RPP30: variants seen among roughly 807,000 people sequenced by gnomAD.
RPP30 encodes the protein ribonuclease P protein subunit p30.
Under a neutral mutation model 38.6 loss-of-function variants are expected in RPP30, and 36 were observed. The observed-to-expected ratio is 0.93, with a 90% CI of 0.71 to 1.23. The LOEUF (loss-of-function observed/expected upper bound fraction) is 1.23. Among genes scored for constraint, RPP30 ranks in the 50% most tolerant of loss-of-function variants. The probability of loss-of-function intolerance (pLI) is 0.00; values close to 1 mark genes in which losing one functional copy is unlikely to be tolerated. For synonymous variants in RPP30, 126 were observed against 112.7 expected, an observed-to-expected ratio of 1.12 and a Z score of -0.75; for missense variants, 321 against 321.7, an observed-to-expected ratio of 1.00 and a Z score of 0.02.
At chr10:90,888,105 GT>G (rs1175099771) in intron 6 of RPP30, among the ~76,000 whole-genome samples, 18 of 152,218 alleles carry the variant, frequency 1.2e-4, no homozygotes, top group Admixed American at 1.1e-3. Context: ...TGCCAATACA[GT>G]TTCTGTGGAA....
At position 90,875,615 on chromosome 10, in the gene RPP30, G is replaced by T; in HGVS notation, c.195+1G>T. On this transcript the variant is annotated splice_donor_variant, in intron 3 of 10. Transcript: ENST00000371703. LOFTEE classifies it high-confidence loss of function. Reference sequence around the variant, plus strand: ...CTTCACAACTTTGCCAATTGTACAGGTAGGTGTTTTGTTGTTTACGAAGCA... The same window carrying T: ...CTTCACAACTTTGCCAATTGTACAGTTAGGTGTTTTGTTGTTTACGAAGCA... 1 of 1,611,972 alleles carries T rather than the reference G, an allele frequency of 6.2e-7. No homozygotes were observed. The highest frequency in any genetic ancestry group is 8.5e-7 in the Non-Finnish European group (1 of 1,178,208).
intron 6 of RPP30, among the ~76,000 whole-genome samples, chr10:90,886,977 G>C (rs766981160): frequency 8.5e-5 from 13 of 152,132 alleles, no homozygotes; most frequent in Non-Finnish European, 1.3e-4. Context: ...AGTAGTAGTA[G>C]TAGTAGTAGA....
At position 90,901,688 on chromosome 10, in the gene RPP30, A is replaced by G. The variant is rs1010314954; in HGVS notation, c.*1009A>G. ...TCATGTTAAGTAGAAGTAGCTTTTT[A>G]TGCAAATACATGCATTTATGCAATA... On this transcript the variant is annotated 3_prime_UTR_variant, in exon 11 of 11. Coordinates refer to ENST00000371703, the MANE Select transcript of RPP30 (RefSeq NM_006413.5). 1.6e-5 allele frequency: 16 copies of G among 984,110 alleles called. No homozygotes were observed. In the Admixed American group the frequency reaches 2.5e-4, roughly 15 times the overall value. 61.0% of individuals were successfully genotyped at this position (984,110 alleles called of 1,614,324 possible).
At chr10:90,887,796 C>A (rs994817722) in intron 6 of RPP30, among the ~76,000 whole-genome samples, 2 of 152,162 alleles carry the variant, frequency 1.3e-5, no homozygotes, top group Non-Finnish European at 2.9e-5. Context: ...CAGTGAAAAA[C>A]CACTGAATCA....
At chr10:90,898,733 A>G (rs1396507621) in intron 10 of RPP30, among the ~76,000 whole-genome samples, 1 of 152,234 alleles carries the variant, frequency 6.6e-6, no homozygotes, top group Non-Finnish European at 1.5e-5. Context: ...GGCTTGCCAC[A>G]GGAAATCAGA....
chr10:90,908,321 G>A (rs1429543057), exon 5 of RPP30: 1 of 152,044 alleles, frequency 6.6e-6, no homozygotes, highest in Non-Finnish European at 1.5e-5. Flanking sequence ...CTTACCACAG[G>A]TCTTAGGACC....
downstream of RPP30, among the ~76,000 whole-genome samples, chr10:90,904,560 C>A (rs1478680853): frequency 1.3e-5 from 2 of 152,172 alleles, no homozygotes; most frequent in Non-Finnish European, 2.9e-5. Context: ...CACTTGTAAT[C>A]CCAGCCCTTC....
intron 3 of RPP30, among the ~76,000 whole-genome samples, 182 bp from the exon 4 acceptor site, chr10:90,875,842 T>C: frequency 6.6e-6 from 1 of 152,220 alleles, no homozygotes; most frequent in East Asian, 1.9e-4. Flanking sequence ...CGTTATGTAG[T>C]TTAAGATATA....
intron 2 of RPP30, 134 bp downstream of exon 2, chr10:90,875,058 A>T: frequency 2.0e-6 from 1 of 508,530 alleles, no homozygotes; most frequent in Non-Finnish European, 3.5e-6. Flanking sequence ...TTTCTATTTT[A>T]TATAGAAACA....
downstream of RPP30, among the ~76,000 whole-genome samples, chr10:90,907,425 C>A (rs1435871012): frequency 1.3e-5 from 2 of 152,178 alleles, no homozygotes; most frequent in African/African-American, 4.8e-5. Flanking sequence ...TAGTACTAGA[C>A]AGAAAAGGTA....
chr10:90,881,270 A>G (rs1029204762), intron 5 of RPP30, among the ~76,000 whole-genome samples: 1 of 152,246 alleles, frequency 6.6e-6, no homozygotes, highest in Non-Finnish European at 1.5e-5. Flanking sequence ...ATTTATTACT[A>G]TCCTCATTCT....
chr10:90,881,070 G>A (rs1163647900), intron 5 of RPP30, among the ~76,000 whole-genome samples: 1 of 152,324 alleles, frequency 6.6e-6, no homozygotes, highest in Non-Finnish European at 1.5e-5. Flanking sequence ...AGTTGCAGAT[G>A]TACCAAGTAT....
intron 5 of RPP30, among the ~76,000 whole-genome samples, chr10:90,882,314 T>A (rs1192014889): frequency 1.3e-5 from 2 of 152,180 alleles, no homozygotes. Flanking sequence ...ATTATTCGCA[T>A]CTCTCATTAT....
In RPP30 at chr10:90,895,445, A is replaced by C. The variant is rs1453633871; in HGVS notation, c.550-9A>C. ...CTAAGATTAATATTAGTCACTTTCT[A>C]TTTTGTAGAATGTAATTATATCTAG... On this transcript the variant is annotated splice_polypyrimidine_tract_variant and intron_variant, in intron 7 of 10. Coordinates refer to ENST00000371703, the MANE Select transcript of RPP30 (RefSeq NM_006413.5). 1 of 1,370,990 alleles carries C rather than the reference A, an allele frequency of 7.3e-7. No individual in the cohort carries two copies. The highest frequency in any genetic ancestry group is 9.8e-7 in the Non-Finnish European group (1 of 1,021,454). 84.9% of individuals were successfully genotyped at this position (1,370,990 alleles called of 1,614,324 possible). A position where few individuals can be genotyped will look rare whatever the true frequency, so the allele number is the denominator to read the frequency against.
chr10:90,887,761 C>T (rs1847020467), intron 6 of RPP30, among the ~76,000 whole-genome samples: 2 of 152,118 alleles, frequency 1.3e-5, no homozygotes, highest in Non-Finnish European at 2.9e-5. Flanking sequence ...GTGTTATTGC[C>T]AGTACTTATA....
chr10:90,904,615 C>G (rs1006333363), downstream of RPP30, among the ~76,000 whole-genome samples: 4 of 152,126 alleles, frequency 2.6e-5, no homozygotes, highest in Admixed American at 6.5e-5. Flanking sequence ...GAGTTCAAGA[C>G]CAGCCTGGCC....
intron 10 of RPP30, among the ~76,000 whole-genome samples, chr10:90,896,903 CTG>C (rs1847145340): frequency 6.6e-6 from 1 of 152,072 alleles, no homozygotes; most frequent in South Asian, 2.1e-4. Context: ...TGTGTCCAGA[CTG>C]TACCTTTTTT....
chr10:90,894,776 C>T lies in RPP30; in HGVS notation c.434C>T (p.Ala145Val), dbSNP rs768419490. The T allele has an allele frequency of 4.4e-5, 71 of 1,607,398 alleles. No individual in the cohort carries two copies. The highest frequency in any genetic ancestry group is 2.4e-4 in the South Asian group (22 of 90,856). ...CAGTTCTCTTTATTTCCTGTGAAGG[C>T]GATTGACCGAGGCCTGGCTTTTGAA... ...FYFKRPPINVAIDRGLAFELV... is the reference protein window; with the variant it reads ...FYFKRPPINVVIDRGLAFELV... The change falls in exon 7 of 11, where the codon GCG (alanine) becomes GTG (valine). Residue 145 changes from alanine (A) to valine (V), a missense_variant and splice_region_variant. Transcript: ENST00000371703.
At position 90,901,045 on chromosome 10, in the gene RPP30, C is replaced by G; in HGVS notation, c.*366C>G. On this transcript the variant is annotated 3_prime_UTR_variant, in exon 11 of 11. Transcript: ENST00000371703. ...AGGCTGGAGTACAGTGGCATAATCACAGCTCACTGCAACCTCAATCCTGGG... is the reference window on the plus strand; with the variant it reads ...AGGCTGGAGTACAGTGGCATAATCAGAGCTCACTGCAACCTCAATCCTGGG... 1 of 594,484 alleles carries G rather than the reference C, an allele frequency of 1.7e-6. No homozygotes were observed. The highest frequency in any genetic ancestry group is 2.0e-5 in the African/African-American group (1 of 48,960). 36.8% of individuals were successfully genotyped at this position (594,484 alleles called of 1,614,324 possible).
Sources: allele counts gnomAD v4.1 joint callset (sites outside exome capture counted in the v4.1 genomes callset), GRCh38; gene constraint gnomAD v4.1.1; transcripts MANE v1.5; gene names NCBI Gene and HGNC (gene_info 2026-07-23, HGNC 2026-07-21).